The following HHIPL2 variants were observed in gnomAD, a reference collection of about 807,000 sequenced individuals.
HHIPL2 encodes HHIP like 2, also known as HHIP-like protein 2.
Under a neutral mutation model 61.0 loss-of-function variants are expected in HHIPL2, and 61 were observed. The observed-to-expected ratio is 1.00, with a 90% confidence interval of 0.81 to 1.24. The LOEUF (loss-of-function observed/expected upper bound fraction) is 1.24. HHIPL2 is among the 50% of genes most tolerant of loss of function. The pLI is 0.00. For missense variants in HHIPL2, 885 were observed against 910.2 expected, an observed-to-expected ratio of 0.97 and a Z score of 0.36; for synonymous variants, 343 against 357.4, an observed-to-expected ratio of 0.96 and a Z score of 0.45.
In HHIPL2 at chr1:222,536,412, T is replaced by G. The variant is rs189340432; in HGVS notation, c.1577+2236A>C. On this transcript the variant is annotated intron_variant, in intron 5 of 8. Coordinates refer to ENST00000343410, the MANE Select transcript of HHIPL2 (RefSeq NM_024746.4). ...AACGTAGACAAACTGGAAAAATTCC[T>G]TGAAAGGCACAGACTACCAAAGCTC... 2.8e-3 allele frequency among the ~76,000 whole-genome samples: 423 copies of G among 152,316 alleles called. 1 individual carries two copies. The highest frequency in any genetic ancestry group is 0.01 in the Middle Eastern group (3 of 294).
At position 222,544,175 on chromosome 1, in the gene HHIPL2, G is replaced by A. The variant is rs376894621; in HGVS notation, c.336C>T (p.Tyr112=). Residue 112 remains tyrosine (Y), a synonymous_variant, in exon 2 of 9, where the codon TAC becomes TAT. Transcript: ENST00000343410. ...TTTCGGCGTCGTAGAGGTGGGCTGC[G>A]TAGGGCGAGCACTCCTAAAAAAGAA... ...KDILCQECSP[Y]AAHLYDAENT... is the part of the protein sequence containing the mutation. 1.2e-6 allele frequency: 2 copies of A among 1,612,252 alleles called. No homozygotes were observed. Among genetic ancestry groups the A allele is most frequent in the Admixed American group, 1.7e-5 (1 of 60,010 alleles).
rs957264585 is a variant in HHIPL2 at position 222,540,208 on chromosome 1, T to A, written c.1252A>T (p.Ile418Phe). The change falls in exon 4 of 9, where the codon ATC becomes TTC. Residue 418 changes from isoleucine to phenylalanine, a missense_variant. Coordinates refer to ENST00000343410, the MANE Select transcript of HHIPL2 (RefSeq NM_024746.4). ...ACAGCACAACGCCACATGTTCCTGA[T>A]CCCATAGGCATAGATGGCGGGGTGG... ...GAHPAIYAYG[I>F]RNMWRCAVDR... 9.3e-6 allele frequency: 15 copies of A among 1,614,112 alleles called. No individual in the cohort carries two copies. Among genetic ancestry groups the A allele is most frequent in the African/African-American group, 1.3e-5 (1 of 74,930 alleles).
At chr1:222,535,675 G>T (rs932503898) in intron 5 of HHIPL2, among the ~76,000 whole-genome samples, 1 of 151,940 alleles carries the variant, frequency 6.6e-6, no homozygotes. Flanking sequence ...TGCCATCGTT[G>T]TTGCATCACC....
intron 8 of HHIPL2, 78 bp downstream of exon 8, chr1:222,523,534 A>G: frequency 7.5e-7 from 1 of 1,326,596 alleles, no homozygotes; most frequent in Admixed American, 1.7e-5. Context: ...CCACCATGGG[A>G]ATTATAGCCT....
intron 7 of HHIPL2, chr1:222,523,952 G>A (rs910152910): frequency 2.1e-5 from 10 of 478,790 alleles, no homozygotes; most frequent in East Asian, 1.5e-4. Context: ...CAGTCAAAAC[G>A]GGTTCACATC....
At chr1:222,534,171 C>G (rs1312189473) in intron 5 of HHIPL2, among the ~76,000 whole-genome samples, 1 of 152,152 alleles carries the variant, frequency 6.6e-6, no homozygotes, top group African/African-American at 2.4e-5. Context: ...TTCCAAGTAA[C>G]TTAACTATGT....
At chr1:222,546,900 G>A (rs1659567261) in intron 1 of HHIPL2, among the ~76,000 whole-genome samples, 1 of 152,192 alleles carries the variant, frequency 6.6e-6, no homozygotes, top group Non-Finnish European at 1.5e-5. Flanking sequence ...AAGCCCAGGG[G>A]GTCTCAGTTC....
rs750857520 is a variant in HHIPL2 at position 222,544,081 on chromosome 1, A to G, written c.430T>C (p.Cys144Arg). 1.2e-6 allele frequency: 2 copies of G among 1,614,186 alleles called. No individual in the cohort carries two copies. Among genetic ancestry groups the G allele is most frequent in the Admixed American group, 3.3e-5 (2 of 60,016 alleles). The change falls in exon 2 of 9, where the codon TGT (cysteine) becomes CGT (arginine). Residue 144 changes from cysteine to arginine, a missense_variant. By Grantham distance (180) the Cys-to-Arg change is radical (BLOSUM62 -3). Coordinates refer to ENST00000343410, the MANE Select transcript of HHIPL2 (RefSeq NM_024746.4). ...GTCAGCAGGGAAATGGCTGAGTGAC[A>G]GTTAGAATGGAAGGCAGAGCAGTAA... ...SDYCSAFHSN[C>R]HSAISLLTND... is the part of the protein sequence containing the mutation.
chr1:222,522,719 T>G lies in HHIPL2; in HGVS notation c.2057A>C (p.Lys686Thr), dbSNP rs1191968466. The G allele has an allele frequency of 1.2e-6, 2 of 1,614,190 alleles. No individual in the cohort carries two copies. Among genetic ancestry groups the G allele is most frequent in the Non-Finnish European group, 1.7e-6 (2 of 1,180,042 alleles). Reference protein sequence around the residue: ...KNTLRGPGTKKKARVGPHVRQ... With the variant: ...KNTLRGPGTKTKARVGPHVRQ... ...GACGTGGGGCCCCACTCTGGCTTTCTTCTTTGTACCAGGCCCTCGCAATGT... is the reference window on the plus strand; with the variant it reads ...GACGTGGGGCCCCACTCTGGCTTTCGTCTTTGTACCAGGCCCTCGCAATGT... The change falls in exon 9 of 9, where the codon AAG becomes ACG. Residue 686 changes from lysine (K) to threonine (T), a missense_variant. By Grantham distance (78) the Lys-to-Thr change is moderately conservative. Transcript: ENST00000343410.
rs1256822441 is a variant in HHIPL2, at chr1:222,543,737, G to C, written c.774C>G (p.Leu258=). 2 of 1,614,078 alleles carry C rather than the reference G, an allele frequency of 1.2e-6. No homozygotes were observed. Among genetic ancestry groups the C allele is most frequent in the Non-Finnish European group, 1.7e-6 (2 of 1,180,046 alleles). Residue 258 remains leucine, a synonymous_variant, in exon 2 of 9, where the codon CTC becomes CTG. Coordinates refer to ENST00000343410, the MANE Select transcript of HHIPL2 (RefSeq NM_024746.4). ...GSRLEQPFLD[L]KNIVLTTPWI... is the part of the protein sequence containing the mutation. ...ATGGGGTGGTCAACACGATGTTCTTGAGGTCCAGGAAGGGTTGCTCCAGGC... is the reference window on the plus strand; with the variant it reads ...ATGGGGTGGTCAACACGATGTTCTTCAGGTCCAGGAAGGGTTGCTCCAGGC...
intron 7 of HHIPL2, chr1:222,524,889 A>G (rs1210160887): frequency 6.6e-6 from 1 of 152,166 alleles, no homozygotes; most frequent in East Asian, 1.9e-4. Flanking sequence ...CCACAAAGAG[A>G]ACTGAGTTCC....
At chr1:222,547,339 C>T (rs563763534) in intron 1 of HHIPL2, among the ~76,000 whole-genome samples, 3 of 152,286 alleles carry the variant, frequency 2.0e-5, no homozygotes, top group East Asian at 3.9e-4. Context: ...TCCCTTAACG[C>T]GCTCGGTAAA....
At chr1:222,546,047 A>AAAATAAATAAATAAATAAATAAATAAAT (rs142768169) in intron 1 of HHIPL2, among the ~76,000 whole-genome samples, 97 of 141,354 alleles carry the variant, frequency 6.9e-4, no homozygotes, top group Non-Finnish European at 9.2e-4. Flanking sequence ...TCTGTCTCAA[A>AAAATAAATAAATAAATAAATAAATAAAT]AAATAAATAA....
At position 222,523,629 on chromosome 1, in the gene HHIPL2, G is replaced by A. The variant is rs777717000; in HGVS notation, c.1871C>T (p.Pro624Leu). Residue 624 changes from proline (P) to leucine (L), a missense_variant, in exon 8 of 9, where the codon CCG (proline) becomes CTG (leucine). Transcript: ENST00000343410. Reference sequence around the variant, plus strand: ...GGACTCACTGGCGAGTGGTCTGAACGGGATCCGCTTACTCTTGGTTCTCAC... The same window carrying A: ...GGACTCACTGGCGAGTGGTCTGAACAGGATCCGCTTACTCTTGGTTCTCAC... ...VPVRTKSKRI[P>L]FRPLAKTVLD... The A allele has an allele frequency of 4.3e-6, 7 of 1,614,148 alleles. No homozygotes were observed. Among genetic ancestry groups the A allele is most frequent in the African/African-American group, 1.3e-5 (1 of 75,036 alleles).
chr1:222,541,433 T>G (rs1026118772), intron 3 of HHIPL2, among the ~76,000 whole-genome samples: 2 of 152,236 alleles, frequency 1.3e-5, no homozygotes, highest in Non-Finnish European at 2.9e-5. Context: ...ATATGTATAC[T>G]TCATAGGATT....
At chr1:222,533,994 A>T (rs967879272) in intron 5 of HHIPL2, among the ~76,000 whole-genome samples, 3 of 152,204 alleles carry the variant, frequency 2.0e-5, no homozygotes, top group African/African-American at 7.2e-5. Context: ...AAACAAAGGA[A>T]AGAATTAGAA....
intron 7 of HHIPL2, 49 bp downstream of exon 7, chr1:222,526,920 T>A: frequency 6.8e-7 from 1 of 1,472,984 alleles, no homozygotes; most frequent in East Asian, 2.3e-5. Context: ...GCCATGGAGA[T>A]AAGAAATGAG....
chr1:222,524,403 G>A (rs1659018890), intron 7 of HHIPL2: 1 of 151,716 alleles, frequency 6.6e-6, no homozygotes. Flanking sequence ...CAGGTGGGAG[G>A]GAAAAAAAGG....
chr1:222,529,224 C>A (rs905595974), intron 6 of HHIPL2, among the ~76,000 whole-genome samples: 5 of 152,156 alleles, frequency 3.3e-5, no homozygotes, highest in African/African-American at 1.2e-4. Context: ...TAGCAGCTGC[C>A]TAACAAACTA....
Sources: gnomAD v4.1 joint callset for allele counts (sites outside exome capture counted in the v4.1 genomes callset) on GRCh38, gnomAD v4.1.1 for gene constraint, MANE v1.5 for transcripts, NCBI Gene and HGNC (gene_info 2026-07-23, HGNC 2026-07-21) for gene names.